Variants in RYR2 observed in about 807,000 individuals in gnomAD.
RYR2 encodes ryanodine receptor 2.
RYR2 carries 227 observed loss-of-function variants against 601.1 expected under a neutral mutation model. That is an observed-to-expected ratio of 0.38 (90% CI 0.34 to 0.42). The LOEUF is 0.42. Ranked by LOEUF, RYR2 falls within the 10% of genes least tolerant of loss-of-function variation. RYR2 has a pLI of 1.00. For missense variants in RYR2, 4,646 were observed against 6,156.5 expected (o/e 0.75, Z 8.21); for synonymous variants, 2,223 against 2,175.1 (o/e 1.02, Z -0.61).
At chr1:237,081,512 C>CATATAT (rs5781933) in intron 1 of RYR2, among the ~76,000 whole-genome samples, 96 of 148,676 alleles carry the variant, frequency 6.5e-4, no homozygotes, top group African/African-American at 2.1e-3. Flanking sequence ...ACACCCCCCA[C>CATATAT]ATATATATAT....
intron 36 of RYR2, 123 bp downstream of exon 36, chr1:237,611,111 A>C: frequency 1.3e-6 from 1 of 755,310 alleles, no homozygotes; most frequent in Non-Finnish European, 2.1e-6. Flanking sequence ...ATTTACAAAG[A>C]TCTAAATTCT....
At chr1:237,193,865 T>C (rs1458822987) in intron 1 of RYR2, among the ~76,000 whole-genome samples, 1 of 152,216 alleles carries the variant, frequency 6.6e-6, no homozygotes, top group African/African-American at 2.4e-5. Context: ...TCTGTCACTT[T>C]TTTTCCTCAC....
chr1:237,578,927 A>G lies in RYR2; in HGVS notation c.3598+9608A>G, dbSNP rs1407794550. 2.6e-5 allele frequency among the ~76,000 whole-genome samples: 4 copies of G among 152,134 alleles called. No homozygotes were observed. In the East Asian group the frequency reaches 7.7e-4, roughly 29 times the overall value. On this transcript the variant is annotated intron_variant, in intron 29 of 104. Transcript: ENST00000366574. Reference sequence around the variant, plus strand: ...ACATGGAGAAATGGTCTCTTCCTTGATGACCTCTTGGGTTGGGTTTATCTC... The same window carrying G: ...ACATGGAGAAATGGTCTCTTCCTTGGTGACCTCTTGGGTTGGGTTTATCTC...
chr1:237,709,557 C>G lies in RYR2; in HGVS notation c.10220C>G (p.Ser3407Trp). 1 of 1,604,588 alleles carries G rather than the reference C, an allele frequency of 6.2e-7. No individual in the cohort carries two copies. The highest frequency in any genetic ancestry group is 8.5e-7 in the Non-Finnish European group (1 of 1,174,070). ...RMVAEVFIYW[S>W]KSHNFKREEQ... The stretch of plus-strand genomic sequence containing the variant: ...GTGGCTGAAGTGTTTATCTACTGGT[C>G]GAAGTCCCATGTGAGTGTGAAAATA... The change falls in exon 70 of 105, where the codon TCG (serine) becomes TGG (tryptophan). Residue 3407 changes from serine to tryptophan, a missense_variant. Coordinates refer to ENST00000366574, the MANE Select transcript of RYR2 (RefSeq NM_001035.3).
At chr1:237,828,278 T>C (rs982133745) in intron 101 of RYR2, 103 bp from the exon 102 acceptor site, 1 of 723,388 alleles carries the variant, frequency 1.4e-6, no homozygotes, top group Non-Finnish European at 2.4e-6. Context: ...CTGAGCATTT[T>C]GCAAGGTAGT....
At chr1:237,759,593 T>A (rs1693242814) in intron 82 of RYR2, among the ~76,000 whole-genome samples, 183 bp from the exon 83 acceptor site, 1 of 152,226 alleles carries the variant, frequency 6.6e-6, no homozygotes, top group African/African-American at 2.4e-5. Context: ...TATTCCAAGT[T>A]TGCGTAACTA....
chr1:237,560,238 T>G (rs1420580724), intron 27 of RYR2, among the ~76,000 whole-genome samples: 1 of 152,246 alleles, frequency 6.6e-6, no homozygotes, highest in Non-Finnish European at 1.5e-5. Context: ...AGCTTTTCCT[T>G]TCAAACTTTT....
chr1:237,153,592 G>A (rs1674977274), intron 1 of RYR2, among the ~76,000 whole-genome samples: 1 of 122,178 alleles, frequency 8.2e-6, no homozygotes, highest in Non-Finnish European at 1.9e-5. Context: ...GGATGTGTAT[G>A]TGTAGCATTT....
chr1:237,536,647 G>T (rs182383250), intron 25 of RYR2, among the ~76,000 whole-genome samples: 4 of 148,680 alleles, frequency 2.7e-5, no homozygotes, highest in Middle Eastern at 3.5e-3. Context: ...TCCGGGAGGC[G>T]GAGGTTGCAG....
At chr1:237,558,019 G>A (rs1353950014) in intron 27 of RYR2, among the ~76,000 whole-genome samples, 1 of 152,172 alleles carries the variant, frequency 6.6e-6, no homozygotes, top group Non-Finnish European at 1.5e-5. Flanking sequence ...TGAAAGAAAT[G>A]TGGACATTTT....
intron 1 of RYR2, among the ~76,000 whole-genome samples, chr1:237,064,377 T>C (rs1371667526): frequency 2.0e-5 from 3 of 152,158 alleles, no homozygotes; most frequent in Admixed American, 2.0e-4. Flanking sequence ...ACATTCTTCC[T>C]CTTCATCTAT....
chr1:237,672,234 T>C (rs1301325566), intron 58 of RYR2, among the ~76,000 whole-genome samples: 1 of 152,192 alleles, frequency 6.6e-6, no homozygotes, highest in Non-Finnish European at 1.5e-5. Context: ...GTGGGTACTT[T>C]GCATTCTTAG....
chr1:237,179,201 A>G (rs1045938443), intron 1 of RYR2, among the ~76,000 whole-genome samples: 3 of 151,072 alleles, frequency 2.0e-5, no homozygotes, highest in African/African-American at 5.0e-5. Flanking sequence ...TGGAGCTTCT[A>G]TGTTGTTTCA....
At chr1:237,677,280 CGTT>C (rs1164779366) in intron 60 of RYR2, among the ~76,000 whole-genome samples, 2 of 152,044 alleles carry the variant, frequency 1.3e-5, no homozygotes, top group African/African-American at 4.8e-5. Flanking sequence ...TGCATGCCAT[CGTT>C]GTTATTATAG....
At chr1:237,619,955 A>G (rs1379642777) in intron 38 of RYR2, among the ~76,000 whole-genome samples, 3 of 152,186 alleles carry the variant, frequency 2.0e-5, no homozygotes, top group Non-Finnish European at 4.4e-5. Context: ...AGAATGCTAA[A>G]GGAAGTTCTT....
At chr1:237,752,040 A>T (rs1692576566) in intron 80 of RYR2, among the ~76,000 whole-genome samples, 1 of 152,234 alleles carries the variant, frequency 6.6e-6, no homozygotes, top group Non-Finnish European at 1.5e-5. Context: ...AGGATATCAC[A>T]TCATTTAGTT....
At chr1:237,334,589 G>C (rs1226082495) in intron 3 of RYR2, among the ~76,000 whole-genome samples, 1 of 152,104 alleles carries the variant, frequency 6.6e-6, no homozygotes, top group Non-Finnish European at 1.5e-5. Context: ...GCCCACAGAA[G>C]CTTTCAGATC....
chr1:237,177,237 T>C (rs1015946593), intron 1 of RYR2, among the ~76,000 whole-genome samples: 1 of 152,226 alleles, frequency 6.6e-6, no homozygotes, highest in Non-Finnish European at 1.5e-5. Flanking sequence ...CAATATGTCA[T>C]GACATATCAA....
chr1:237,714,754 G>C (rs1457567969), intron 71 of RYR2, among the ~76,000 whole-genome samples: 3 of 151,866 alleles, frequency 2.0e-5, no homozygotes, highest in African/African-American at 4.8e-5. Flanking sequence ...ACTTTGGGAG[G>C]CCAAGGCAGA....
Sources: gnomAD v4.1 joint callset for allele counts (sites outside exome capture counted in the v4.1 genomes callset) on GRCh38, gnomAD v4.1.1 for gene constraint, MANE v1.5 for transcripts, NCBI Gene and HGNC (gene_info 2026-07-23, HGNC 2026-07-21) for gene names.